Variants in RERG observed in about 807,000 individuals in gnomAD.
RERG encodes RAS like estrogen regulated growth inhibitor, also known as ras-related and estrogen-regulated growth inhibitor.
A neutral mutation model predicts 23.2 loss-of-function variants in RERG; 25 were observed. That is an observed-to-expected ratio of 1.08 (90% CI 0.79 to 1.50). The LOEUF (loss-of-function observed/expected upper bound fraction) is 1.50. RERG is among the 40% of genes most tolerant of loss of function. RERG has a pLI of 0.00. For missense variants in RERG, 253 were observed against 250.1 expected, an observed-to-expected ratio of 1.01 and a Z score of -0.08; for synonymous variants, 81 against 89.1, an observed-to-expected ratio of 0.91 and a Z score of 0.51.
chr12:15,173,886 A>G (rs1273799014), intron 2 of RERG, among the ~76,000 whole-genome samples: 1 of 152,026 alleles, frequency 6.6e-6, no homozygotes, highest in Non-Finnish European at 1.5e-5. Context: ...TTCTATATAC[A>G]TGATGATGTT....
At chr12:15,191,457 A>AT (rs1437570297) in intron 2 of RERG, among the ~76,000 whole-genome samples, 1 of 151,934 alleles carries the variant, frequency 6.6e-6, no homozygotes, top group Non-Finnish European at 1.5e-5. Context: ...AAGCCAGAGA[A>AT]TTTTTTTTCA....
intron 2 of RERG, among the ~76,000 whole-genome samples, chr12:15,195,790 C>G (rs933111417): frequency 2.0e-5 from 3 of 152,086 alleles, no homozygotes; most frequent in Non-Finnish European, 2.9e-5. Context: ...ATATGCCACC[C>G]ACCTTCCTGG....
intron 2 of RERG, among the ~76,000 whole-genome samples, chr12:15,178,212 C>T (rs1302765836): frequency 3.3e-5 from 5 of 152,154 alleles, no homozygotes; most frequent in Non-Finnish European, 7.4e-5. Context: ...GCTCTAAGCT[C>T]TCTACAAAAT....
chr12:15,215,306 G>A (rs887225464), intron 2 of RERG, among the ~76,000 whole-genome samples: 7 of 152,156 alleles, frequency 4.6e-5, no homozygotes, highest in Non-Finnish European at 8.8e-5. Flanking sequence ...ATGGAGTAAG[G>A]ACGCAAGAGG....
intron 3 of RERG, among the ~76,000 whole-genome samples, chr12:15,113,159 G>A (rs1029733537): frequency 6.6e-6 from 1 of 152,256 alleles, no homozygotes; most frequent in East Asian, 1.9e-4. Flanking sequence ...AAGGCCAGAA[G>A]CAAGTTTATG....
intron 2 of RERG, among the ~76,000 whole-genome samples, chr12:15,210,512 G>A (rs1865352327): frequency 6.6e-6 from 1 of 152,080 alleles, no homozygotes; most frequent in Admixed American, 6.5e-5. Context: ...ACTAAGAAAT[G>A]ATCATTGTCA....
chr12:15,190,957 A>T (rs1865062363), intron 2 of RERG, among the ~76,000 whole-genome samples: 1 of 152,122 alleles, frequency 6.6e-6, no homozygotes, highest in Non-Finnish European at 1.5e-5. Context: ...TCAATTCCTC[A>T]AAGTTGTGAG....
intron 3 of RERG, 26 bp downstream of exon 3, chr12:15,121,037 G>A (rs367751154): frequency 2.3e-5 from 36 of 1,557,536 alleles, no homozygotes; most frequent in Non-Finnish European, 2.9e-5. Context: ...TTATTGAAGA[G>A]GAGAAGGAAA....
chr12:15,129,961 A>G lies in RERG; in HGVS notation c.62-8842T>C, dbSNP rs576060905. 6.7e-4 allele frequency among the ~76,000 whole-genome samples: 102 copies of G among 152,326 alleles called. 2 individuals carry two copies. The highest frequency in any genetic ancestry group is 2.2e-3 in the African/African-American group (93 of 41,572). ...GTGCAAAGACTCCACATGAAATAAA[A>G]GTCTGGGGGTAGCATTATTCTTTGA... On this transcript the variant is annotated intron_variant, in intron 2 of 4. Coordinates refer to ENST00000256953, the MANE Select transcript of RERG (RefSeq NM_032918.3).
At chr12:15,152,686 GA>G (rs1432239850) in intron 2 of RERG, among the ~76,000 whole-genome samples, 43 of 152,240 alleles carry the variant, frequency 2.8e-4, no homozygotes, top group African/African-American at 9.6e-4. Context: ...CATGGACTAG[GA>G]ATAGAAATTT....
intron 2 of RERG, among the ~76,000 whole-genome samples, chr12:15,179,807 C>A (rs1864900342): frequency 6.6e-6 from 1 of 152,124 alleles, no homozygotes; most frequent in Non-Finnish European, 1.5e-5. Flanking sequence ...ATAGTGTGGG[C>A]AGCTCTAGTT....
intron 3 of RERG, among the ~76,000 whole-genome samples, chr12:15,119,878 G>A (rs1863800002): frequency 6.6e-6 from 1 of 152,140 alleles, no homozygotes. Flanking sequence ...AAAATCAACT[G>A]AACAGAGTAG....
intron 2 of RERG, among the ~76,000 whole-genome samples, chr12:15,195,802 A>G (rs1865136707): frequency 6.6e-6 from 1 of 152,086 alleles, no homozygotes; most frequent in Admixed American, 6.6e-5. Flanking sequence ...CCTTCCTGGA[A>G]GGCTCACAGC....
chr12:15,187,501 A>G (rs571082331), intron 2 of RERG, among the ~76,000 whole-genome samples: 1 of 152,054 alleles, frequency 6.6e-6, no homozygotes, highest in Non-Finnish European at 1.5e-5. Context: ...GGCCAAACAT[A>G]TTTACTACAT....
At chr12:15,166,761 G>T (rs919950117) in intron 2 of RERG, among the ~76,000 whole-genome samples, 1 of 151,844 alleles carries the variant, frequency 6.6e-6, no homozygotes, top group African/African-American at 2.4e-5. Context: ...CCTGACAAAC[G>T]GATGGACTAG....
intron 4 of RERG, among the ~76,000 whole-genome samples, chr12:15,110,493 T>A (rs1306674270): frequency 1.6e-5 from 2 of 126,134 alleles, no homozygotes; most frequent in African/African-American, 6.3e-5. Context: ...TTTTTTTTTT[T>A]ACTGAGACGG....
chr12:15,161,189 A>AGAAAGAAAG (rs1864605232), intron 2 of RERG, among the ~76,000 whole-genome samples: 1 of 149,612 alleles, frequency 6.7e-6, no homozygotes, highest in East Asian at 2.0e-4. Flanking sequence ...AAAGAAAGAA[A>AGAAAGAAAG]GAAAGAAAGA....
chr12:15,210,918 T>C (rs931800900), intron 2 of RERG, among the ~76,000 whole-genome samples: 1 of 152,128 alleles, frequency 6.6e-6, no homozygotes, highest in African/African-American at 2.4e-5. Context: ...CCCAAATTTG[T>C]CTCAAAACCA....
chr12:15,145,241 C>T (rs1411068500), intron 2 of RERG, among the ~76,000 whole-genome samples: 1 of 152,186 alleles, frequency 6.6e-6, no homozygotes, highest in Admixed American at 6.5e-5. Flanking sequence ...GTTAGAAAAG[C>T]AAGGGAGATA....
Sources: allele counts gnomAD v4.1 joint callset (sites outside exome capture counted in the v4.1 genomes callset), GRCh38; gene constraint gnomAD v4.1.1; transcripts MANE v1.5; gene names NCBI Gene and HGNC (gene_info 2026-07-23, HGNC 2026-07-21).